Variants in ZMYM6 observed in about 807,000 individuals in gnomAD.
ZMYM6 encodes the protein zinc finger MYM-type containing 6, also known as zinc finger MYM-type protein 6.
A neutral mutation model predicts 134.0 loss-of-function variants in ZMYM6; 90 were observed. The observed-to-expected ratio is 0.67, with a 90% CI of 0.57 to 0.80. The LOEUF (loss-of-function observed/expected upper bound fraction) is 0.80, where lower values mean the gene tolerates loss of function less well. Ranked by LOEUF, ZMYM6 falls within the 30% of genes least tolerant of loss-of-function variation. The pLI, the probability that ZMYM6 is intolerant of heterozygous loss-of-function variation, is 0.00. For missense variants in ZMYM6, 1,362 were observed against 1,533.9 expected (o/e 0.89, Z 1.87); for synonymous variants, 481 against 524.1 (o/e 0.92, Z 1.12).
intron 14 of ZMYM6, among the ~76,000 whole-genome samples, chr1:34,998,670 T>C (rs990488567): frequency 6.6e-6 from 1 of 151,946 alleles, no homozygotes; most frequent in African/African-American, 2.4e-5. Flanking sequence ...ATAAAAGGGT[T>C]CTGTTTTAGA....
chr1:35,025,831 T>C (rs185702211), intron 2 of ZMYM6, among the ~76,000 whole-genome samples: 1 of 152,162 alleles, frequency 6.6e-6, no homozygotes, highest in African/African-American at 2.4e-5. Context: ...CGGGTTACTA[T>C]CTAGGACTCA....
chr1:35,011,757 C>T, intron 8 of ZMYM6, 133 bp downstream of exon 8: 1 of 529,488 alleles, frequency 1.9e-6, no homozygotes, highest in East Asian at 3.4e-5. Flanking sequence ...GGTTGGGCCC[C>T]TGGATGAAAC....
At chr1:35,030,121 T>C (rs12068957) in intron 2 of ZMYM6, 33,054 of 158,046 alleles carry the variant, frequency 0.21, 8,439 homozygotes, top group African/African-American at 0.61. Context: ...CATGTAGTTA[T>C]AGCTTTCATT....
At chr1:35,021,763 A>C (rs114637144) in intron 2 of ZMYM6, among the ~76,000 whole-genome samples, 1,934 of 152,348 alleles carry the variant, frequency 0.013, 45 homozygotes, top group African/African-American at 0.043. Flanking sequence ...CTCATTATAC[A>C]TAAAATCATC....
At chr1:35,023,109 C>CTTTT (rs891282639) in intron 2 of ZMYM6, among the ~76,000 whole-genome samples, 5 of 147,420 alleles carry the variant, frequency 3.4e-5, no homozygotes, top group Non-Finnish European at 7.5e-5. Flanking sequence ...AATGCTAGTT[C>CTTTT]TTTTTTTTTT....
intron 14 of ZMYM6, among the ~76,000 whole-genome samples, chr1:34,995,006 CATAT>C (rs1290269007): frequency 1.5e-5 from 2 of 132,602 alleles, no homozygotes; most frequent in Admixed American, 7.7e-5. Context: ...TATATGTATA[CATAT>C]ATACTTACAT....
intron 14 of ZMYM6, among the ~76,000 whole-genome samples, chr1:34,994,135 A>T (rs565871857): frequency 6.6e-6 from 1 of 152,364 alleles, no homozygotes; most frequent in South Asian, 2.1e-4. Flanking sequence ...GTTTACTACA[A>T]GCCAGGCACT....
rs149844838 is a variant in ZMYM6 at position 35,014,733 on chromosome 1, C to T, written c.759G>A (p.Lys253=). The T allele has an allele frequency of 6.8e-6, 11 of 1,613,920 alleles. No homozygotes were observed. In the African/African-American group the frequency reaches 1.1e-4, roughly 16 times the overall value. The change falls in exon 6 of 16, where the codon AAG becomes AAA. Residue 253 remains lysine (K), a synonymous_variant. Transcript: ENST00000357182. ...CCGTGACACTTGTTGAACTAAAAAC[C>T]TTCTGGGATTGGCAAGGACCAGAGC... ...YSSSGPCQSQ[K]VFSSTSVTAY... is the part of the protein sequence containing the mutation.
intron 14 of ZMYM6, among the ~76,000 whole-genome samples, chr1:34,998,070 G>A (rs1377436506): frequency 6.6e-6 from 1 of 152,038 alleles, no homozygotes; most frequent in African/African-American, 2.4e-5. Context: ...CACAAGGTCA[G>A]GAGTTCAAGA....
intron 14 of ZMYM6, among the ~76,000 whole-genome samples, chr1:34,998,056 G>A (rs556648374): frequency 2.8e-4 from 42 of 152,090 alleles, no homozygotes; most frequent in Admixed American, 4.6e-4. Context: ...CGAGGCAGGC[G>A]GATCACAAGG....
chr1:35,009,995 T>C (rs537018836), intron 10 of ZMYM6, among the ~76,000 whole-genome samples: 17 of 152,062 alleles, frequency 1.1e-4, no homozygotes, highest in African/African-American at 4.1e-4. Context: ...GAATTAACTA[T>C]AAACACAATT....
At chr1:35,002,448 C>G (rs368601569) in intron 14 of ZMYM6, among the ~76,000 whole-genome samples, 24 of 152,160 alleles carry the variant, frequency 1.6e-4, no homozygotes, top group African/African-American at 5.5e-4. Context: ...CTCACTGTCA[C>G]CTCTTTTCAA....
intron 15 of ZMYM6, 176 bp from the exon 16 acceptor site, chr1:34,989,111 A>T (rs2148440682): frequency 7.1e-7 from 1 of 1,399,278 alleles, no homozygotes; most frequent in Middle Eastern, 2.7e-4. Context: ...CTGAAAACTG[A>T]ATTTCTCCTT....
intron 2 of ZMYM6, among the ~76,000 whole-genome samples, chr1:35,028,906 A>C (rs1237432795): frequency 6.6e-6 from 1 of 151,432 alleles, no homozygotes; most frequent in Non-Finnish European, 1.5e-5. Flanking sequence ...AAACCCTACA[A>C]TTGGCCAGGT....
chr1:35,014,074 C>T lies in ZMYM6; in HGVS notation c.795+623G>A, dbSNP rs1351555361. 6.6e-5 allele frequency among the ~76,000 whole-genome samples: 10 copies of T among 152,190 alleles called. No homozygotes were observed. The South Asian group carries it at 1.0e-3, about 16-fold the overall frequency. On this transcript the variant is annotated intron_variant, in intron 6 of 15. Coordinates refer to ENST00000357182, the MANE Select transcript of ZMYM6 (RefSeq NM_007167.4). Reference sequence around the variant, plus strand: ...ACACAAGGTGATAATATTTAGTAACCGGCTTAATCCATTATTCATTACAAT... The same window carrying T: ...ACACAAGGTGATAATATTTAGTAACTGGCTTAATCCATTATTCATTACAAT...
At chr1:35,008,543 C>T (rs1193501206) in intron 11 of ZMYM6, among the ~76,000 whole-genome samples, 32 of 152,118 alleles carry the variant, frequency 2.1e-4, no homozygotes, top group Non-Finnish European at 1.5e-5. Flanking sequence ...AGGAACATAT[C>T]CAACCAACAA....
At chr1:34,995,058 A>ATATATGTAATATATATACTTACATACG (rs1640755570) in intron 14 of ZMYM6, among the ~76,000 whole-genome samples, 1 of 129,806 alleles carries the variant, frequency 7.7e-6, no homozygotes, top group African/African-American at 3.0e-5. Context: ...ACATACGTAT[A>ATATATGTAATATATATACTTACATACG]TATATGTAAT....
chr1:35,002,757 A>G (rs1640900642), intron 14 of ZMYM6, among the ~76,000 whole-genome samples: 1 of 152,170 alleles, frequency 6.6e-6, no homozygotes, highest in South Asian at 2.1e-4. Context: ...CTTTTGTTCT[A>G]AAGTTATTAA....
intron 4 of ZMYM6, 61 bp from the exon 5 acceptor site, chr1:35,015,223 C>T (rs1038447645): frequency 1.4e-6 from 2 of 1,434,030 alleles, no homozygotes; most frequent in African/African-American, 2.9e-5. Context: ...ACTTCCTCCT[C>T]TTTGTGAGGT....
Sources: allele counts gnomAD v4.1 joint callset (sites outside exome capture counted in the v4.1 genomes callset), GRCh38; gene constraint gnomAD v4.1.1; transcripts MANE v1.5; gene names NCBI Gene and HGNC (gene_info 2026-07-23, HGNC 2026-07-21).